Variants in LYPD6 observed in about 807,000 individuals in gnomAD.
LYPD6 encodes the protein LY6/PLAUR domain containing 6.
LYPD6 carries 15 observed loss-of-function variants against 22.7 expected under a neutral mutation model. The observed-to-expected ratio is 0.66, with a 90% CI of 0.44 to 1.02. The LOEUF (loss-of-function observed/expected upper bound fraction) is 1.02. LYPD6 is among the 50% of genes least tolerant of loss of function. The pLI, the probability that LYPD6 is intolerant of heterozygous loss-of-function variation, is 0.00. For missense variants in LYPD6, 189 were observed against 208.4 expected (o/e 0.91, Z 0.57); for synonymous variants, 72 against 77.5 (o/e 0.93, Z 0.37).
intron 2 of LYPD6, among the ~76,000 whole-genome samples, 167 bp from the exon 3 acceptor site, chr2:149,448,882 G>T (rs1683745986): frequency 6.6e-6 from 1 of 152,206 alleles, no homozygotes; most frequent in Non-Finnish European, 1.5e-5. Flanking sequence ...ATTTCTCAGG[G>T]ACAGATGCCC....
chr2:149,427,417 C>G (rs1286569072), intron 1 of LYPD6, among the ~76,000 whole-genome samples: 1 of 152,086 alleles, frequency 6.6e-6, no homozygotes, highest in African/African-American at 2.4e-5. Flanking sequence ...TAAAAAATGA[C>G]AAGCTGTAAC....
intron 1 of LYPD6, among the ~76,000 whole-genome samples, chr2:149,432,765 A>G (rs1244312828): frequency 6.6e-6 from 1 of 152,148 alleles, no homozygotes; most frequent in Non-Finnish European, 1.5e-5. Flanking sequence ...AAATAGTGTT[A>G]GGACACCAGG....
chr2:149,457,285 C>T (rs913984783), intron 3 of LYPD6, among the ~76,000 whole-genome samples: 7 of 151,460 alleles, frequency 4.6e-5, no homozygotes, highest in African/African-American at 1.2e-4. Flanking sequence ...TTATAGACGT[C>T]GTAGAACTAA....
At chr2:149,427,767 A>G (rs377645312) in intron 1 of LYPD6, among the ~76,000 whole-genome samples, 15 of 152,238 alleles carry the variant, frequency 9.9e-5, no homozygotes, top group Non-Finnish European at 1.2e-4. Context: ...AGTACACTCT[A>G]TGATGTTCAC....
At chr2:149,375,143 A>G (rs1251660721) in intron 1 of LYPD6, among the ~76,000 whole-genome samples, 1 of 152,188 alleles carries the variant, frequency 6.6e-6, no homozygotes, top group Non-Finnish European at 1.5e-5. Flanking sequence ...TTTTTCTTAG[A>G]TGGAGGTGAA....
chr2:149,479,790 A>G, the LYPD6 span, among the ~76,000 whole-genome samples: 37 of 152,008 alleles, frequency 2.4e-4, no homozygotes, highest in African/African-American at 8.7e-4. Flanking sequence ...ATTTCAATCC[A>G]TTTTTCATAG....
chr2:149,417,632 T>A (rs1186229687), intron 1 of LYPD6, among the ~76,000 whole-genome samples: 1 of 152,132 alleles, frequency 6.6e-6, no homozygotes, highest in South Asian at 2.1e-4. Context: ...TGTGTTAAAT[T>A]TTTGATGCTG....
intron 1 of LYPD6, among the ~76,000 whole-genome samples, chr2:149,423,319 T>C (rs144312349): frequency 6.6e-6 from 1 of 152,346 alleles, no homozygotes; most frequent in East Asian, 1.9e-4. Context: ...TTCTGGGTTA[T>C]TTGAATTTTA....
intron 1 of LYPD6, among the ~76,000 whole-genome samples, chr2:149,383,049 G>A (rs1003220883): frequency 6.6e-6 from 1 of 151,930 alleles, no homozygotes; most frequent in African/African-American, 2.4e-5. Context: ...TATTTTTATT[G>A]TGGTGAAATA....
chr2:149,387,217 T>C (rs1682208726), intron 1 of LYPD6, among the ~76,000 whole-genome samples: 1 of 152,232 alleles, frequency 6.6e-6, no homozygotes, highest in South Asian at 2.1e-4. Context: ...AAAAAGTTTT[T>C]TCCAAATGAA....
intron 1 of LYPD6, among the ~76,000 whole-genome samples, chr2:149,349,040 T>A (rs550258000): frequency 2.6e-5 from 4 of 152,228 alleles, no homozygotes; most frequent in African/African-American, 9.6e-5. Context: ...TTTACTGAGA[T>A]ACAAAGACTG....
chr2:149,402,315 T>G (rs903152964), intron 1 of LYPD6, among the ~76,000 whole-genome samples: 6 of 152,116 alleles, frequency 3.9e-5, no homozygotes, highest in African/African-American at 1.2e-4. Context: ...GGTTCCATAT[T>G]TTTACAATTA....
intron 1 of LYPD6, among the ~76,000 whole-genome samples, chr2:149,381,911 G>A (rs562234312): frequency 3.9e-5 from 6 of 152,104 alleles, no homozygotes; most frequent in East Asian, 1.9e-4. Context: ...CTGTTAATTC[G>A]TGATGATTTC....
chr2:149,450,355 C>T (rs993087431), intron 3 of LYPD6, among the ~76,000 whole-genome samples: 1 of 152,192 alleles, frequency 6.6e-6, no homozygotes, highest in Admixed American at 6.5e-5. Context: ...CAGCTCTACA[C>T]AAATTGAGCC....
At chr2:149,362,912 T>A (rs1317397887) in intron 1 of LYPD6, among the ~76,000 whole-genome samples, 1 of 152,186 alleles carries the variant, frequency 6.6e-6, no homozygotes, top group African/African-American at 2.4e-5. Context: ...GCGCTTCATC[T>A]TTAGCGACAA....
At chr2:149,353,499 C>T (rs1681396127) in intron 1 of LYPD6, among the ~76,000 whole-genome samples, 1 of 152,174 alleles carries the variant, frequency 6.6e-6, no homozygotes, top group South Asian at 2.1e-4. Context: ...GCTCTTCTTG[C>T]AGTTAAATTC....
chr2:149,372,333 C>T (rs1383245885), intron 1 of LYPD6, among the ~76,000 whole-genome samples: 1 of 152,158 alleles, frequency 6.6e-6, no homozygotes, highest in Non-Finnish European at 1.5e-5. Context: ...TGCTATTGTA[C>T]TTTTGTCACT....
At chr2:149,483,834 C>A in the LYPD6 span, among the ~76,000 whole-genome samples, 1 of 152,012 alleles carries the variant, frequency 6.6e-6, no homozygotes, top group Non-Finnish European at 1.5e-5. Flanking sequence ...GCTATTGAAC[C>A]TAATGGCACA....
chr2:149,358,624 G>A (rs780378255), intron 1 of LYPD6, among the ~76,000 whole-genome samples: 1 of 151,962 alleles, frequency 6.6e-6, no homozygotes, highest in South Asian at 2.1e-4. Context: ...CAAAAAAGGT[G>A]GGATAGACCC....
Sources: allele counts gnomAD v4.1 joint callset (sites outside exome capture counted in the v4.1 genomes callset), GRCh38; gene constraint gnomAD v4.1.1; transcripts MANE v1.5; gene names NCBI Gene and HGNC (gene_info 2026-07-23, HGNC 2026-07-21).